TNKS: variants seen among roughly 807,000 people sequenced by gnomAD.
The protein encoded by TNKS is tankyrase.
Under a neutral mutation model 135.8 loss-of-function variants are expected in TNKS, and 72 were observed. The observed-to-expected ratio is 0.53, with a 90% CI of 0.44 to 0.64. The LOEUF (loss-of-function observed/expected upper bound fraction) is 0.64. Ranked by LOEUF, TNKS falls within the 30% of genes least tolerant of loss-of-function variation. TNKS has a pLI of 0.00. For missense variants in TNKS, 1,769 were observed against 1,674.0 expected (o/e 1.06, Z -0.99); for synonymous variants, 849 against 649.3 (o/e 1.31, Z -4.68).
intron 5 of TNKS, among the ~76,000 whole-genome samples, chr8:9,701,199 A>G (rs748729826): frequency 6.6e-6 from 1 of 152,150 alleles, no homozygotes; most frequent in African/African-American, 2.4e-5. Context: ...AGCCTCCCAA[A>G]GTGCTGGGAT....
chr8:9,697,600 A>G (rs1329033114), intron 5 of TNKS, among the ~76,000 whole-genome samples: 2 of 152,116 alleles, frequency 1.3e-5, no homozygotes, highest in African/African-American at 2.4e-5. Context: ...CAAAGCAAAA[A>G]CCAGTCCCAT....
chr8:9,702,320 C>G (rs1803842586), intron 5 of TNKS, among the ~76,000 whole-genome samples: 1 of 151,560 alleles, frequency 6.6e-6, no homozygotes, highest in African/African-American at 2.4e-5. Flanking sequence ...CACACACACA[C>G]ACACACATAC....
In TNKS at chr8:9,734,945, G is replaced by T. The variant is rs749473053; in HGVS notation, c.2394G>T (p.Gln798His). ...TAAAGGAAGGAGACACAGATATTCA[G>T]GACTTACTGAGAGGGGATGCTGCTT... ...DLVKEGDTDI[Q>H]DLLRGDAALL... is the part of the protein sequence containing the mutation. Residue 798 changes from glutamine (Q) to histidine (H), a missense_variant, in exon 16 of 27, where the codon CAG becomes CAT. This residue lies in a region of TNKS where 722 missense variants were observed against 688.9 expected (regional missense o/e 1.05). Transcript: ENST00000310430. 1.9e-6 allele frequency: 3 copies of T among 1,614,140 alleles called. No homozygotes were observed. Among genetic ancestry groups the T allele is most frequent in the Non-Finnish European group, 2.5e-6 (3 of 1,180,018 alleles).
intron 3 of TNKS, among the ~76,000 whole-genome samples, chr8:9,651,586 G>A (rs932009261): frequency 6.6e-6 from 1 of 152,162 alleles, no homozygotes; most frequent in Non-Finnish European, 1.5e-5. Context: ...GTTCCAGATT[G>A]GATACTCTCA....
At chr8:9,767,936 G>A (rs1378037111) in intron 25 of TNKS, among the ~76,000 whole-genome samples, 1 of 147,838 alleles carries the variant, frequency 6.8e-6, no homozygotes, top group Non-Finnish European at 1.5e-5. Context: ...TCCAGCCTGG[G>A]CGACAGAGAG....
At chr8:9,696,625 C>G (rs1232042101) in intron 5 of TNKS, among the ~76,000 whole-genome samples, 2 of 152,046 alleles carry the variant, frequency 1.3e-5, no homozygotes, top group Non-Finnish European at 2.9e-5. Flanking sequence ...AATCCATGTA[C>G]AAAAATCAGT....
chr8:9,750,790 G>C (rs774243034), intron 18 of TNKS, among the ~76,000 whole-genome samples: 5 of 152,206 alleles, frequency 3.3e-5, no homozygotes, highest in Non-Finnish European at 5.9e-5. Flanking sequence ...ACTGGGCTCA[G>C]CTGGGTGGTT....
At chr8:9,660,798 T>G (rs577062748) in intron 3 of TNKS, among the ~76,000 whole-genome samples, 4 of 152,156 alleles carry the variant, frequency 2.6e-5, no homozygotes, top group Non-Finnish European at 4.4e-5. Context: ...AGTCAGATTG[T>G]CCCTGTTTGC....
rs750083974 is a variant in TNKS at position 9,776,709 on chromosome 8, C to G, written c.3957C>G (p.Thr1319=). The change falls in exon 27 of 27, where the codon ACC becomes ACG. Residue 1319 remains threonine, a synonymous_variant. Transcript: ENST00000310430. ...TGAAGCCAGAAGCCCCTTCCCAGAC[C>G]GCAACAGCCGCAGAGCAGAAGACCT... ...QIMKPEAPSQ[T]ATAAEQKT 1 of 1,613,832 alleles carries G rather than the reference C, an allele frequency of 6.2e-7. No homozygotes were observed. Among genetic ancestry groups the G allele is most frequent in the African/African-American group, 1.3e-5 (1 of 74,898 alleles).
intron 3 of TNKS, among the ~76,000 whole-genome samples, chr8:9,629,393 T>A (rs1281586024): frequency 6.6e-6 from 1 of 152,206 alleles, no homozygotes; most frequent in African/African-American, 2.4e-5. Context: ...AGAAACTTTT[T>A]AAAAATGTTA....
At chr8:9,706,519 C>G (rs983874001) in intron 7 of TNKS, among the ~76,000 whole-genome samples, 1 of 152,128 alleles carries the variant, frequency 6.6e-6, no homozygotes, top group Admixed American at 6.6e-5. Flanking sequence ...TGTGCCACCA[C>G]GCACAGCTAA....
At chr8:9,594,305 A>G (rs12542420) in intron 2 of TNKS, among the ~76,000 whole-genome samples, 22,845 of 152,224 alleles carry the variant, frequency 0.15, 2,082 homozygotes, top group East Asian at 0.3. Flanking sequence ...TATACTGATG[A>G]TAACTCTCAC....
At position 9,643,443 on chromosome 8, in the gene TNKS, A is replaced by T. The variant is rs900168013; in HGVS notation, c.994+27766A>T. 1.4e-4 allele frequency among the ~76,000 whole-genome samples: 21 copies of T among 150,310 alleles called. 5 individuals are homozygous for T. Among genetic ancestry groups the T allele is most frequent in the Admixed American group, 8.1e-4 (12 of 14,800 alleles). On this transcript the variant is annotated intron_variant, in intron 3 of 26. Coordinates refer to ENST00000310430, the MANE Select transcript of TNKS (RefSeq NM_003747.3). Reference sequence around the variant, plus strand: ...GTGATAACTAAATGGCTTCTGCGATAATAGCATTAATCCATTCATGAGGGT... The same window carrying T: ...GTGATAACTAAATGGCTTCTGCGATTATAGCATTAATCCATTCATGAGGGT...
intron 17 of TNKS, among the ~76,000 whole-genome samples, chr8:9,740,552 T>G (rs1805889351): frequency 2.0e-5 from 3 of 152,264 alleles, no homozygotes; most frequent in South Asian, 4.1e-4. Flanking sequence ...AACAATCCGG[T>G]TTTTTGAAAG....
intron 25 of TNKS, among the ~76,000 whole-genome samples, chr8:9,767,477 C>CAAAT (rs1360259217): frequency 6.6e-6 from 1 of 152,178 alleles, no homozygotes; most frequent in South Asian, 2.1e-4. Flanking sequence ...TAAAAAGACC[C>CAAAT]AAATAATTTC....
Position 9,665,189 on chromosome 8 carries a change from A to C in TNKS, c.995-14762A>C, listed in dbSNP as rs181875880. Among the ~76,000 whole-genome samples, 188 of 152,180 alleles carry C rather than the reference A, an allele frequency of 1.2e-3. 1 individual carries two copies. Among genetic ancestry groups the C allele is most frequent in the Non-Finnish European group, 1.7e-3 (115 of 67,994 alleles). On this transcript the variant is annotated intron_variant, in intron 3 of 26. Coordinates refer to ENST00000310430, the MANE Select transcript of TNKS (RefSeq NM_003747.3). Reference sequence around the variant, plus strand: ...CATTTGCTGTTTTGAAATTTGTTACATTGGTTTCCTTGAGCTTCCTGTCAA... The same window carrying C: ...CATTTGCTGTTTTGAAATTTGTTACCTTGGTTTCCTTGAGCTTCCTGTCAA...
rs1418168734 is a variant in TNKS, at chr8:9,642,828, T to C, written c.994+27151T>C. On this transcript the variant is annotated intron_variant, in intron 3 of 26. Coordinates refer to ENST00000310430, the MANE Select transcript of TNKS (RefSeq NM_003747.3). Reference sequence around the variant, plus strand: ...CATGTAAACTCAAAATGTAGAAAATTATTTTACCTCTGTTGGAGAACTAAT... The same window carrying C: ...CATGTAAACTCAAAATGTAGAAAATCATTTTACCTCTGTTGGAGAACTAAT... 1.4e-5 allele frequency among the ~76,000 whole-genome samples: 2 copies of C among 146,004 alleles called. 1 individual carries two copies. Among genetic ancestry groups the C allele is most frequent in the Admixed American group, 1.4e-4 (2 of 13,856 alleles).
At chr8:9,591,709 G>A (rs1798597692) in intron 2 of TNKS, among the ~76,000 whole-genome samples, 1 of 152,034 alleles carries the variant, frequency 6.6e-6, no homozygotes, top group South Asian at 2.1e-4. Context: ...TCTTTGCTTT[G>A]CTTTTCGTTT....
chr8:9,717,435 A>G (rs991168394), intron 11 of TNKS, among the ~76,000 whole-genome samples: 3 of 152,072 alleles, frequency 2.0e-5, no homozygotes, highest in East Asian at 1.9e-4. Flanking sequence ...TTCATTTTCA[A>G]TATTAAGCAA....
Sources: gnomAD v4.1 joint callset for allele counts (sites outside exome capture counted in the v4.1 genomes callset) on GRCh38, gnomAD v4.1.1 for gene constraint, gnomAD v4.1.1 regional missense constraint, MANE v1.5 for transcripts, NCBI Gene and HGNC (gene_info 2026-07-23, HGNC 2026-07-21) for gene names.